The following GRID2 variants were observed in gnomAD, a reference collection of about 807,000 sequenced individuals.
GRID2 encodes the protein glutamate ionotropic receptor delta type subunit 2, also known as glutamate receptor ionotropic, delta-2.
Under a neutral mutation model 114.8 loss-of-function variants are expected in GRID2, and 33 were observed. That is an observed-to-expected ratio of 0.29 (90% CI 0.22 to 0.38). GRID2 has a LOEUF of 0.38. Among genes scored for constraint, GRID2 ranks in the 10% least tolerant of loss-of-function variants. GRID2 has a pLI of 1.00. For missense variants in GRID2, 1,184 were observed against 1,257.7 expected, an observed-to-expected ratio of 0.94 and a Z score of 0.89; for synonymous variants, 505 against 449.9, an observed-to-expected ratio of 1.12 and a Z score of -1.55.
At chr4:92,887,336 A>G (rs1464996211) in intron 2 of GRID2, among the ~76,000 whole-genome samples, 2 of 152,216 alleles carry the variant, frequency 1.3e-5, no homozygotes, top group Non-Finnish European at 2.9e-5. Context: ...AAAAGCAGAC[A>G]TTAGAAATTT....
Position 93,137,204 on chromosome 4 carries a change from G to A in GRID2, c.735+26251G>A, listed in dbSNP as rs181116313. Among the ~76,000 whole-genome samples the A allele has an allele frequency of 4.7e-3, 719 of 152,226 alleles. 11 individuals carry two copies. The highest frequency in any genetic ancestry group is 0.017 in the African/African-American group (686 of 41,522). Reference sequence around the variant, plus strand: ...TTCAGTAGGAAATCAATATTTTGCAGTTTGCTCATCTTAAGCAGATGGTTA... The same window carrying A: ...TTCAGTAGGAAATCAATATTTTGCAATTTGCTCATCTTAAGCAGATGGTTA... On this transcript the variant is annotated intron_variant, in intron 4 of 15. Transcript: ENST00000282020.
intron 2 of GRID2, among the ~76,000 whole-genome samples, chr4:92,778,174 A>G (rs150164952): frequency 9.3e-4 from 141 of 152,094 alleles, no homozygotes; most frequent in Non-Finnish European, 1.4e-3. Flanking sequence ...TCCCATCTCA[A>G]TGAGAACTTT....
chr4:92,863,877 A>C (rs1466650337), intron 2 of GRID2, among the ~76,000 whole-genome samples: 1 of 152,116 alleles, frequency 6.6e-6, no homozygotes, highest in African/African-American at 2.4e-5. Flanking sequence ...CCTCAATTAG[A>C]GTGAAAAGGA....
chr4:92,471,129 T>G (rs1193234201), intron 1 of GRID2, among the ~76,000 whole-genome samples: 1 of 152,036 alleles, frequency 6.6e-6, no homozygotes, highest in Non-Finnish European at 1.5e-5. Context: ...GAGCATCATG[T>G]AAGAGCGAAT....
At chr4:93,770,139 A>G (rs1275692991) in intron 15 of GRID2, among the ~76,000 whole-genome samples, 7 of 152,214 alleles carry the variant, frequency 4.6e-5, no homozygotes, top group South Asian at 4.1e-4. Context: ...ATCAAGAAGT[A>G]TGAGACTTAT....
chr4:93,741,427 A>G (rs1398519226), intron 14 of GRID2, among the ~76,000 whole-genome samples: 10 of 151,866 alleles, frequency 6.6e-5, no homozygotes, highest in Non-Finnish European at 1.3e-4. Context: ...TATACATGCA[A>G]ATATGTTTAT....
chr4:93,372,971 A>G (rs1413727456), intron 8 of GRID2, among the ~76,000 whole-genome samples: 1 of 152,140 alleles, frequency 6.6e-6, no homozygotes, highest in Non-Finnish European at 1.5e-5. Flanking sequence ...TTTGCCCATA[A>G]CCAACAGTGA....
intron 2 of GRID2, among the ~76,000 whole-genome samples, chr4:92,915,081 T>C (rs1225150060): frequency 6.6e-6 from 1 of 152,092 alleles, no homozygotes; most frequent in African/African-American, 2.4e-5. Flanking sequence ...AAGGCACCTC[T>C]TCGCAAGGTG....
intron 1 of GRID2, among the ~76,000 whole-genome samples, chr4:92,480,415 A>G (rs1006353279): frequency 3.3e-5 from 5 of 152,180 alleles, no homozygotes; most frequent in South Asian, 4.1e-4. Context: ...ATAATCTATA[A>G]CTATGGGTGA....
intron 2 of GRID2, among the ~76,000 whole-genome samples, chr4:92,984,574 C>T (rs975503035): frequency 1.4e-4 from 21 of 152,168 alleles, no homozygotes; most frequent in African/African-American, 4.6e-4. Context: ...TTGTTTTCAC[C>T]ATAAACCTCC....
chr4:92,591,195 A>G (rs768070585), intron 2 of GRID2, among the ~76,000 whole-genome samples: 1 of 152,102 alleles, frequency 6.6e-6, no homozygotes, highest in Non-Finnish European at 1.5e-5. Flanking sequence ...AAACAGGCCC[A>G]AGGGAACTTG....
chr4:92,817,128 G>C (rs970839894), intron 2 of GRID2, among the ~76,000 whole-genome samples: 1 of 151,986 alleles, frequency 6.6e-6, no homozygotes, highest in African/African-American at 2.4e-5. Context: ...TGGCCACTAA[G>C]TCATGTTCAA....
intron 14 of GRID2, among the ~76,000 whole-genome samples, chr4:93,695,751 T>C (rs1726963067): frequency 6.6e-6 from 1 of 152,198 alleles, no homozygotes; most frequent in Admixed American, 6.5e-5. Flanking sequence ...TAGAAGAGTG[T>C]CCACTATGCC....
At chr4:92,891,955 C>G (rs1227240994) in intron 2 of GRID2, among the ~76,000 whole-genome samples, 1 of 151,958 alleles carries the variant, frequency 6.6e-6, no homozygotes, top group Admixed American at 6.6e-5. Context: ...ATTATTTTAC[C>G]TTTGAAAGTA....
At chr4:92,991,089 A>G (rs1043551886) in intron 2 of GRID2, among the ~76,000 whole-genome samples, 2 of 152,120 alleles carry the variant, frequency 1.3e-5, no homozygotes, top group Admixed American at 1.3e-4. Flanking sequence ...ATAGGGTATT[A>G]TTGTTTCATT....
chr4:93,004,537 C>G (rs769388144), intron 2 of GRID2, among the ~76,000 whole-genome samples: 5 of 151,964 alleles, frequency 3.3e-5, no homozygotes, highest in Non-Finnish European at 7.4e-5. Flanking sequence ...CTTATGAATC[C>G]CGAGTTTCTC....
chr4:93,042,684 T>TAG (rs1213034215), intron 2 of GRID2, among the ~76,000 whole-genome samples: 5 of 144,306 alleles, frequency 3.5e-5, no homozygotes, highest in African/African-American at 1.3e-4. Flanking sequence ...TATATCTATA[T>TAG]ATATATGCAT....
At chr4:93,264,443 A>C (rs2149554800) in intron 8 of GRID2, among the ~76,000 whole-genome samples, 1 of 152,126 alleles carries the variant, frequency 6.6e-6, no homozygotes, top group South Asian at 2.1e-4. Flanking sequence ...AATAATCTTA[A>C]TTATTGTTTC....
In GRID2 at chr4:93,014,450, A is replaced by G. The variant is rs970759169; in HGVS notation, c.245-70545A>G. Among the ~76,000 whole-genome samples, 3 of 152,106 alleles carry G rather than the reference A, an allele frequency of 2.0e-5. No individual in the cohort carries two copies. In the East Asian group the frequency reaches 5.8e-4, roughly 29 times the overall value. ...CGTAGTTTGCTGGGGCTGGAACTAC[A>G]GCATAAAGAACCAGGGTGGTAAATT... On this transcript the variant is annotated intron_variant, in intron 2 of 15. Transcript: ENST00000282020.
Sources: allele counts gnomAD v4.1 joint callset (sites outside exome capture counted in the v4.1 genomes callset), GRCh38; gene constraint gnomAD v4.1.1; transcripts MANE v1.5; gene names NCBI Gene and HGNC (gene_info 2026-07-23, HGNC 2026-07-21).